The following TOX variants were observed in gnomAD, a reference collection of about 807,000 sequenced individuals.
TOX encodes the protein thymocyte selection associated high mobility group box.
Under a neutral mutation model 53.7 loss-of-function variants are expected in TOX, and 11 were observed. That is an observed-to-expected ratio of 0.20 (90% CI 0.13 to 0.34). TOX has a LOEUF of 0.34. TOX is among the 10% of genes least tolerant of loss of function. The pLI is 1.00. For synonymous variants in TOX, 225 were observed against 245.3 expected (o/e 0.92, Z 0.77); for missense variants, 570 against 664.6 (o/e 0.86, Z 1.56).
chr8:58,932,476 C>T (rs10282869), intron 3 of TOX, among the ~76,000 whole-genome samples: 1,988 of 152,274 alleles, frequency 0.013, 58 homozygotes, highest in African/African-American at 0.046. Context: ...TATTATTCCA[C>T]CATTAAATGG....
chr8:58,931,262 A>T (rs1365145395), intron 3 of TOX, among the ~76,000 whole-genome samples: 1 of 152,148 alleles, frequency 6.6e-6, no homozygotes, highest in African/African-American at 2.4e-5. Flanking sequence ...ATCAGAAATT[A>T]ATCTGCAATC....
intron 7 of TOX, among the ~76,000 whole-genome samples, chr8:58,811,273 GCATTTTAATACT>G (rs924659147): frequency 6.6e-6 from 1 of 152,120 alleles, no homozygotes; most frequent in African/African-American, 2.4e-5. Flanking sequence ...TGAATATTTT[GCATTTTAATACT>G]CAGGAGAAAA....
chr8:58,859,722 T>A (rs1810975574), intron 3 of TOX, among the ~76,000 whole-genome samples: 1 of 152,328 alleles, frequency 6.6e-6, no homozygotes, highest in East Asian at 1.9e-4. Context: ...GTCTCTCCAT[T>A]GTGGCTTCTT....
intron 1 of TOX, among the ~76,000 whole-genome samples, chr8:59,049,662 T>C (rs1803754715): frequency 6.6e-6 from 1 of 152,186 alleles, no homozygotes; most frequent in South Asian, 2.1e-4. Flanking sequence ...CTATAAATTA[T>C]TTTAAATCCC....
chr8:58,853,246 T>C (rs954332097), intron 3 of TOX, among the ~76,000 whole-genome samples: 11 of 152,188 alleles, frequency 7.2e-5, no homozygotes, highest in African/African-American at 2.7e-4. Context: ...GGCCTCATGA[T>C]TTGTACCTGC....
At chr8:59,095,557 C>T (rs1376017164) in intron 1 of TOX, among the ~76,000 whole-genome samples, 1 of 152,128 alleles carries the variant, frequency 6.6e-6, no homozygotes, top group South Asian at 2.1e-4. Context: ...CAGGCGTGCA[C>T]CACCATGCCC....
intron 1 of TOX, among the ~76,000 whole-genome samples, chr8:59,084,996 A>T (rs1804480837): frequency 6.6e-6 from 1 of 152,242 alleles, no homozygotes. Context: ...ATCTGCTTAA[A>T]TGTTAAATCA....
At chr8:59,069,973 C>G (rs380620) in intron 1 of TOX, among the ~76,000 whole-genome samples, 82,843 of 152,006 alleles carry the variant, frequency 0.54, 23,073 homozygotes, top group South Asian at 0.73. Context: ...GTATAGCGCC[C>G]GGTGGGAAAG....
At chr8:59,006,632 T>A (rs956813307) in intron 1 of TOX, among the ~76,000 whole-genome samples, 6 of 152,182 alleles carry the variant, frequency 3.9e-5, no homozygotes, top group African/African-American at 1.4e-4. Context: ...ATATATCTAA[T>A]CCTCTAGGAA....
chr8:58,979,883 T>G (rs549626331), intron 1 of TOX, among the ~76,000 whole-genome samples: 7 of 152,160 alleles, frequency 4.6e-5, no homozygotes, highest in Non-Finnish European at 8.8e-5. Flanking sequence ...GCATAGAAAG[T>G]TGGTACATAC....
In TOX at chr8:58,807,000, C is replaced by T. The variant is rs1163992268; in HGVS notation, c.*747G>A. ...AAGGACTTAAATGACATTTACTAAC[C>T]ATTACACAAAAAGTGATACAAAAAA... On this transcript the variant is annotated 3_prime_UTR_variant, in exon 9 of 9. Coordinates refer to ENST00000361421, the MANE Select transcript of TOX (RefSeq NM_014729.3). 6.6e-6 allele frequency: 1 copy of T among 152,516 alleles called. No homozygotes were observed. The highest frequency in any genetic ancestry group is 2.4e-5 in the African/African-American group (1 of 41,418). The allele number at this position is 152,516 out of a possible 1,614,324, so 9.4% of individuals were successfully genotyped here. A position where few individuals can be genotyped will look rare whatever the true frequency, so the allele number is the denominator to read the frequency against.
At chr8:58,997,437 C>T (rs1813581059) in intron 1 of TOX, among the ~76,000 whole-genome samples, 2 of 152,270 alleles carry the variant, frequency 1.3e-5, no homozygotes, top group South Asian at 4.2e-4. Context: ...ATGACTTTGA[C>T]GAGTCTTTGG....
At position 59,092,282 on chromosome 8, in the gene TOX, T is replaced by TTATA. The variant is rs1563443734; in HGVS notation, c.102+26600_102+26603dup. On this transcript the variant is annotated intron_variant, in intron 1 of 8. Coordinates refer to ENST00000361421, the MANE Select transcript of TOX (RefSeq NM_014729.3). Reference sequence around the variant, plus strand: ...TATATATTTTATATATATATATATATTATATATACATTATATATATTATAT... The same window carrying TTATA: ...TATATATTTTATATATATATATATATTATATATATATACATTATATATATTATAT... Among the ~76,000 whole-genome samples the TTATA allele has an allele frequency of 1.3e-4, 14 of 108,400 alleles. No individual in the cohort carries two copies. The East Asian group carries it at 1.6e-3, about 12-fold the overall frequency. 71.1% of individuals were successfully genotyped at this position (108,400 alleles called of 152,430 possible).
At chr8:58,953,719 G>A (rs1812663669) in intron 2 of TOX, among the ~76,000 whole-genome samples, 1 of 151,994 alleles carries the variant, frequency 6.6e-6, no homozygotes, top group Non-Finnish European at 1.5e-5. Context: ...CATTCTATTG[G>A]GTCAATGGTC....
intron 1 of TOX, among the ~76,000 whole-genome samples, chr8:59,113,499 T>C (rs1805054244): frequency 3.3e-5 from 5 of 151,828 alleles, no homozygotes. Context: ...AGATTCCAAA[T>C]AGAAAATGGA....
chr8:59,024,302 A>G (rs900312935), intron 1 of TOX, among the ~76,000 whole-genome samples: 4 of 152,248 alleles, frequency 2.6e-5, no homozygotes, highest in African/African-American at 7.2e-5. Context: ...AATTTTAGAT[A>G]AAAATATTTC....
chr8:58,841,398 G>T (rs1409225621), intron 4 of TOX, among the ~76,000 whole-genome samples: 1 of 152,158 alleles, frequency 6.6e-6, no homozygotes, highest in East Asian at 1.9e-4. Flanking sequence ...TGTTATAGTA[G>T]TAATAAAAAT....
intron 1 of TOX, among the ~76,000 whole-genome samples, chr8:58,989,842 T>C (rs2129417319): frequency 6.6e-6 from 1 of 152,306 alleles, no homozygotes; most frequent in East Asian, 1.9e-4. Context: ...GGACACTTTC[T>C]CCTGTCACCT....
At chr8:58,960,134 G>C (rs1288801550) in intron 1 of TOX, 126 bp from the exon 2 acceptor site, 1 of 990,778 alleles carries the variant, frequency 1.0e-6, no homozygotes, top group African/African-American at 1.6e-5. Context: ...ACTGCGGCTG[G>C]GACTATGGAA....
Sources: gnomAD v4.1 joint callset for allele counts (sites outside exome capture counted in the v4.1 genomes callset) on GRCh38, gnomAD v4.1.1 for gene constraint, MANE v1.5 for transcripts, NCBI Gene and HGNC (gene_info 2026-07-23, HGNC 2026-07-21) for gene names.